Variants in MAP4K4 observed in about 807,000 individuals in gnomAD.
MAP4K4 encodes HPK/GCK-like kinase HGK.
MAP4K4 carries 38 observed loss-of-function variants against 189.6 expected under a neutral mutation model. That is an observed-to-expected ratio of 0.20 (90% CI 0.15 to 0.26). The LOEUF (loss-of-function observed/expected upper bound fraction) is 0.26. MAP4K4 is among the 10% of genes least tolerant of loss of function. MAP4K4 has a pLI of 1.00. For synonymous variants in MAP4K4, 610 were observed against 624.3 expected (o/e 0.98, Z 0.34); for missense variants, 1,054 against 1,726.9 (o/e 0.61, Z 6.91).
At chr2:101,858,476 G>C (rs768493129) in intron 13 of MAP4K4, among the ~76,000 whole-genome samples, 2 of 152,154 alleles carry the variant, frequency 1.3e-5, no homozygotes, top group Non-Finnish European at 2.9e-5. Context: ...CCCAAGTCTG[G>C]AATGTAGTCA....
At chr2:101,745,767 T>C (rs2065170736) in intron 2 of MAP4K4, among the ~76,000 whole-genome samples, 1 of 152,146 alleles carries the variant, frequency 6.6e-6, no homozygotes, top group Non-Finnish European at 1.5e-5. Flanking sequence ...ATTACTAAAT[T>C]ATTTCTGGAT....
chr2:101,812,759 A>G (rs1162092641), intron 3 of MAP4K4, among the ~76,000 whole-genome samples: 2 of 152,190 alleles, frequency 1.3e-5, no homozygotes, highest in Non-Finnish European at 2.9e-5. Context: ...TACTTAAGTA[A>G]AAGAGGTTAA....
intron 2 of MAP4K4, among the ~76,000 whole-genome samples, chr2:101,733,647 G>A (rs1241148815): frequency 6.6e-6 from 1 of 152,168 alleles, no homozygotes; most frequent in Non-Finnish European, 1.5e-5. Flanking sequence ...AGCGTGCATG[G>A]GACAGTAGAA....
At chr2:101,739,650 C>T (rs2061788541) in intron 2 of MAP4K4, among the ~76,000 whole-genome samples, 1 of 152,144 alleles carries the variant, frequency 6.6e-6, no homozygotes, top group African/African-American at 2.4e-5. Context: ...AACCCCTATC[C>T]TTAACTCTGA....
chr2:101,859,443 G>T (rs1576913404), intron 14 of MAP4K4, among the ~76,000 whole-genome samples, 200 bp from the exon 15 acceptor site: 1 of 152,098 alleles, frequency 6.6e-6, no homozygotes, highest in South Asian at 2.1e-4. Flanking sequence ...CTCTTACTCT[G>T]TCCAATGATA....
intron 12 of MAP4K4, among the ~76,000 whole-genome samples, chr2:101,846,715 A>G (rs1416852671): frequency 6.6e-6 from 1 of 152,244 alleles, no homozygotes; most frequent in Admixed American, 6.5e-5. Context: ...TTTCAGTGTA[A>G]GTTCAAACTC....
At chr2:101,712,711 G>A (rs1313059177) in intron 2 of MAP4K4, among the ~76,000 whole-genome samples, 1 of 151,446 alleles carries the variant, frequency 6.6e-6, no homozygotes, top group African/African-American at 2.4e-5. Flanking sequence ...GGCCAGGCTG[G>A]TCTCAAACTC....
chr2:101,868,065 T>G, intron 21 of MAP4K4, 28 bp downstream of exon 21: 1 of 1,609,824 alleles, frequency 6.2e-7, no homozygotes, highest in Non-Finnish European at 8.5e-7. Flanking sequence ...AAAGTTCCAC[T>G]TCAGAGCAGC....
intron 6 of MAP4K4, among the ~76,000 whole-genome samples, chr2:101,830,970 T>C (rs935639849): frequency 6.6e-6 from 1 of 152,226 alleles, no homozygotes; most frequent in African/African-American, 2.4e-5. Context: ...CTTTAAGTCA[T>C]CTCAGCATTT....
exon 4 of MAP4K4, chr2:101,823,982 C>T: frequency 6.2e-7 from 1 of 1,609,952 alleles, no homozygotes; most frequent in Non-Finnish European, 8.5e-7. Flanking sequence ...ATACTCTCAT[C>T]ACAGAAACAT....
At chr2:101,868,079 C>T (rs772760806) in intron 21 of MAP4K4, 42 bp downstream of exon 21, 1 of 1,604,642 alleles carries the variant, frequency 6.2e-7, no homozygotes, top group East Asian at 2.2e-5. Context: ...GAGCAGCACT[C>T]CGACCGCCTG....
intron 2 of MAP4K4, among the ~76,000 whole-genome samples, chr2:101,715,613 C>T (rs1183183552): frequency 1.3e-5 from 2 of 152,122 alleles, no homozygotes; most frequent in Non-Finnish European, 2.9e-5. Context: ...CAAAATGCTC[C>T]AGTGAACATT....
At chr2:101,836,955 C>G (rs184406784) in intron 9 of MAP4K4, among the ~76,000 whole-genome samples, 1 of 151,760 alleles carries the variant, frequency 6.6e-6, no homozygotes, top group African/African-American at 2.4e-5. Flanking sequence ...GAGAATTTTG[C>G]CCCCTCTTTC....
intron 24 of MAP4K4, among the ~76,000 whole-genome samples, chr2:101,872,039 C>A (rs2098044171): frequency 1.3e-5 from 2 of 152,288 alleles, no homozygotes; most frequent in South Asian, 4.1e-4. Context: ...TTTGTGGAAT[C>A]TGCCTTTTTC....
chr2:101,777,781 G>C (rs1254970658), intron 2 of MAP4K4, among the ~76,000 whole-genome samples: 3 of 152,160 alleles, frequency 2.0e-5, no homozygotes, highest in Non-Finnish European at 2.9e-5. Context: ...TTTGTTCACT[G>C]TTGTATCCCT....
At chr2:101,754,506 C>T (rs767042251) in intron 2 of MAP4K4, among the ~76,000 whole-genome samples, 19 of 151,996 alleles carry the variant, frequency 1.3e-4, no homozygotes, top group Admixed American at 3.9e-4. Context: ...TGTGTACCAC[C>T]GTGCCCAGCT....
intron 15 of MAP4K4, chr2:101,860,227 T>G (rs2097596852): frequency 1.3e-5 from 4 of 317,580 alleles, no homozygotes; most frequent in Non-Finnish European, 2.4e-5. Context: ...TGCCTGTGGC[T>G]CAACTTTCTG....
At position 101,843,816 on chromosome 2, in the gene MAP4K4, T is replaced by G. The variant is rs573532376; in HGVS notation, c.1023-285T>G. ...GAAATCAAAGAAGGTGATTTCAACCTTTCCTTTTACTGAGTTTGAATTGTT... is the reference window on the plus strand; with the variant it reads ...GAAATCAAAGAAGGTGATTTCAACCGTTCCTTTTACTGAGTTTGAATTGTT... On this transcript the variant is annotated intron_variant, in intron 11 of 32. Coordinates refer to ENST00000324219, the Ensembl canonical transcript of MAP4K4. 1.9e-4 allele frequency among the ~76,000 whole-genome samples: 29 copies of G among 152,354 alleles called. No individual in the cohort carries two copies. In the South Asian group the frequency reaches 6.0e-3, roughly 32 times the overall value.
At chr2:101,860,639 C>A (rs2097618540) in intron 15 of MAP4K4, 186 bp from the exon 16 acceptor site, 2 of 516,410 alleles carry the variant, frequency 3.9e-6, no homozygotes, top group Non-Finnish European at 6.8e-6. Flanking sequence ...TAAATATTTT[C>A]TTTTTCCTGA....
Sources: gnomAD v4.1 joint callset for allele counts (sites outside exome capture counted in the v4.1 genomes callset) on GRCh38, gnomAD v4.1.1 for gene constraint, MANE v1.5 for transcripts, NCBI Gene and HGNC (gene_info 2026-07-23, HGNC 2026-07-21) for gene names.